MEIG1: variants seen among roughly 807,000 people sequenced by gnomAD.
The protein encoded by MEIG1 is meiosis expressed gene 1 protein homolog.
A neutral mutation model predicts 11.3 loss-of-function variants in MEIG1; 12 were observed. That is an observed-to-expected ratio of 1.07 (90% CI 0.68 to 1.73). The LOEUF is 1.73. MEIG1 is among the 40% of genes most tolerant of loss of function. The probability of loss-of-function intolerance (pLI) is 0.00; values close to 1 mark genes in which losing one functional copy is unlikely to be tolerated. For missense variants in MEIG1, 119 were observed against 104.9 expected (o/e 1.13, Z -0.59); for synonymous variants, 41 against 33.2 (o/e 1.24, Z -0.81).
chr10:14,983,990 G>A (rs1194646807), intron 1 of MEIG1, among the ~76,000 whole-genome samples: 3 of 151,998 alleles, frequency 2.0e-5, no homozygotes, highest in Non-Finnish European at 4.4e-5. Context: ...TGCTGCTGGG[G>A]GTATAAACAC....
upstream of MEIG1, among the ~76,000 whole-genome samples, chr10:14,957,495 C>G (rs1842963048): frequency 6.6e-6 from 1 of 152,184 alleles, no homozygotes; most frequent in African/African-American, 2.4e-5. Flanking sequence ...TCCGGGGCTA[C>G]AGAGGAAGGA....
intron 1 of MEIG1, among the ~76,000 whole-genome samples, chr10:14,982,356 G>A (rs1843274092): frequency 6.6e-6 from 1 of 152,064 alleles, no homozygotes; most frequent in African/African-American, 2.4e-5. Flanking sequence ...TGGGGGTTTT[G>A]ATAATCAGCT....
upstream of MEIG1, chr10:14,959,346 G>A (rs1415118006): frequency 2.6e-5 from 4 of 152,302 alleles, no homozygotes; most frequent in Non-Finnish European, 5.9e-5. Flanking sequence ...CTAGCTGGGC[G>A]GGGCCTGAAG....
chr10:14,955,235 T>A (rs553996443), upstream of MEIG1, among the ~76,000 whole-genome samples: 1 of 152,302 alleles, frequency 6.6e-6, no homozygotes, highest in Non-Finnish European at 1.5e-5. Flanking sequence ...CAGGCCTCCA[T>A]AACACTTGAA....
chr10:14,965,675 T>TGAGAGAGAGA (rs749211535), intron 1 of MEIG1, among the ~76,000 whole-genome samples: 2,881 of 100,540 alleles, frequency 0.029, 81 homozygotes, highest in Admixed American at 0.058. Context: ...ATTCCCTTTT[T>TGAGAGAGAGA]GAGAGAGAGA....
downstream of MEIG1, among the ~76,000 whole-genome samples, chr10:14,975,802 C>T (rs1394620511): frequency 2.6e-5 from 4 of 152,044 alleles, no homozygotes; most frequent in Admixed American, 6.6e-5. Flanking sequence ...GATGGACACG[C>T]CCCCAGTGAT....
chr10:14,967,027 C>A (rs1843092774), intron 2 of MEIG1, among the ~76,000 whole-genome samples: 1 of 152,158 alleles, frequency 6.6e-6, no homozygotes, highest in Non-Finnish European at 1.5e-5. Flanking sequence ...AGCCAGGACG[C>A]CCAGCCAGAC....
downstream of MEIG1, among the ~76,000 whole-genome samples, chr10:14,977,637 A>G (rs565967916): frequency 6.6e-6 from 1 of 151,854 alleles, no homozygotes; most frequent in African/African-American, 2.4e-5. Flanking sequence ...AAGAGATATA[A>G]CTCCTAATAT....
At chr10:14,987,331 C>T (rs1843329494) in intron 2 of MEIG1, 2 of 806,522 alleles carry the variant, frequency 2.5e-6, no homozygotes, top group Non-Finnish European at 4.4e-6. Flanking sequence ...TGACCAGATA[C>T]AAGGACAGGG....
chr10:14,964,636 CTTTTT>C (rs35249492), intron 1 of MEIG1, among the ~76,000 whole-genome samples: 5 of 49,222 alleles, frequency 1.0e-4, no homozygotes, highest in South Asian at 9.7e-4. Context: ...TATATGTATA[CTTTTT>C]TTTTTTTTTT....
chr10:14,961,363 T>C (rs1231313528), intron 1 of MEIG1, among the ~76,000 whole-genome samples: 1 of 152,340 alleles, frequency 6.6e-6, no homozygotes, highest in South Asian at 2.1e-4. Flanking sequence ...CGGGACCATC[T>C]GTATGCATAT....
intron 1 of MEIG1, among the ~76,000 whole-genome samples, chr10:14,977,889 C>A (rs553022368): frequency 2.1e-4 from 32 of 151,956 alleles, no homozygotes; most frequent in African/African-American, 6.0e-4. Context: ...CCTGTGATAT[C>A]ATTCGTAATA....
chr10:14,984,884 C>T (rs1287101080), intron 1 of MEIG1, among the ~76,000 whole-genome samples: 3 of 151,630 alleles, frequency 2.0e-5, no homozygotes, highest in South Asian at 2.1e-4. Context: ...GTCCTGTACA[C>T]GCTTCAATAT....
chr10:14,973,959 G>A (rs185147156), downstream of MEIG1, among the ~76,000 whole-genome samples: 11 of 152,238 alleles, frequency 7.2e-5, no homozygotes, highest in East Asian at 2.1e-3. Flanking sequence ...GGAATCACGT[G>A]CTTATTTCAG....
In MEIG1 at chr10:14,972,458, G is replaced by T; in HGVS notation, c.139-55G>T. 7 of 1,608,602 alleles carry T rather than the reference G, an allele frequency of 4.4e-6. No homozygotes were observed. In the South Asian group the frequency reaches 7.8e-5, roughly 18 times the overall value. On this transcript the variant is annotated intron_variant, in intron 2 of 2. Coordinates refer to ENST00000407572, the MANE Select transcript of MEIG1 (RefSeq NM_001080836.3). ...TTTTAACTATTTGATAGTAAAATAT[G>T]AGATAAAAATCAACCCTCCATTGTA...
At chr10:14,979,054 G>T (rs1053001858) in intron 1 of MEIG1, among the ~76,000 whole-genome samples, 3 of 151,970 alleles carry the variant, frequency 2.0e-5, no homozygotes, top group African/African-American at 7.3e-5. Context: ...TACTACTAAT[G>T]CCACAATACG....
chr10:14,986,053 A>C (rs1201872051), intron 1 of MEIG1, among the ~76,000 whole-genome samples: 1 of 152,140 alleles, frequency 6.6e-6, no homozygotes, highest in Non-Finnish European at 1.5e-5. Flanking sequence ...CCATGTGTGT[A>C]TACTCTGTGA....
chr10:14,960,192 T>C (rs987829888), intron 1 of MEIG1, among the ~76,000 whole-genome samples: 2 of 152,200 alleles, frequency 1.3e-5, no homozygotes, highest in Non-Finnish European at 2.9e-5. Flanking sequence ...TACGTGCTGG[T>C]TACAGGGCTC....
downstream of MEIG1, among the ~76,000 whole-genome samples, chr10:14,973,846 G>T (rs2131276277): frequency 6.6e-6 from 1 of 151,742 alleles, no homozygotes; most frequent in Non-Finnish European, 1.5e-5. Context: ...ATAGAATATG[G>T]TAATGTACAG....
Sources: gnomAD v4.1 joint callset for allele counts (sites outside exome capture counted in the v4.1 genomes callset) on GRCh38, gnomAD v4.1.1 for gene constraint, MANE v1.5 for transcripts, NCBI Gene and HGNC (gene_info 2026-07-23, HGNC 2026-07-21) for gene names.